ADAMTS19: variants seen among roughly 807,000 people sequenced by gnomAD.
ADAMTS19 encodes the protein ADAM metallopeptidase with thrombospondin type 1 motif 19.
In ADAMTS19, 93 loss-of-function variants were observed where a neutral mutation model predicts 153.3. The observed-to-expected ratio is 0.61, with a 90% CI of 0.51 to 0.72. The LOEUF (loss-of-function observed/expected upper bound fraction) is 0.72. Ranked by LOEUF, ADAMTS19 falls within the 30% of genes least tolerant of loss-of-function variation. The pLI is 0.00. For missense variants in ADAMTS19, 1,482 were observed against 1,552.1 expected (o/e 0.95, Z 0.76); for synonymous variants, 600 against 556.6 (o/e 1.08, Z -1.10).
At chr5:129,552,917 G>A (rs1032648864) in intron 7 of ADAMTS19, among the ~76,000 whole-genome samples, 1 of 152,016 alleles carries the variant, frequency 6.6e-6, no homozygotes, top group Non-Finnish European at 1.5e-5. Flanking sequence ...GGAATCAAGG[G>A]AATATTTGGT....
intron 7 of ADAMTS19, among the ~76,000 whole-genome samples, chr5:129,575,621 A>G (rs1242315593): frequency 6.6e-6 from 1 of 152,126 alleles, no homozygotes; most frequent in Non-Finnish European, 1.5e-5. Context: ...TTTAATTAAC[A>G]TAACAATGAG....
At chr5:129,716,126 T>C (rs1321297573) in intron 21 of ADAMTS19, among the ~76,000 whole-genome samples, 1 of 152,198 alleles carries the variant, frequency 6.6e-6, no homozygotes, top group Non-Finnish European at 1.5e-5. Flanking sequence ...TAGTCTCAAC[T>C]CAAACTTCAG....
chr5:129,674,226 C>T (rs1038203832), intron 16 of ADAMTS19, among the ~76,000 whole-genome samples: 1 of 70,754 alleles, frequency 1.4e-5, no homozygotes. Flanking sequence ...AGCGAAACTC[C>T]ATCTCAAAAA....
chr5:129,473,738 G>C (rs949782976), intron 2 of ADAMTS19, among the ~76,000 whole-genome samples: 1 of 151,924 alleles, frequency 6.6e-6, no homozygotes, highest in Non-Finnish European at 1.5e-5. Context: ...ATATTGAATT[G>C]ATATTTTAAA....
intron 7 of ADAMTS19, among the ~76,000 whole-genome samples, chr5:129,583,184 G>C (rs1749611254): frequency 6.6e-6 from 1 of 152,090 alleles, no homozygotes; most frequent in African/African-American, 2.4e-5. Context: ...AGTTTGGCTG[G>C]ATATGAAATT....
intron 10 of ADAMTS19, among the ~76,000 whole-genome samples, chr5:129,632,310 A>G (rs1407994190): frequency 6.6e-6 from 1 of 152,028 alleles, no homozygotes; most frequent in Admixed American, 6.6e-5. Flanking sequence ...ATGTTCATTT[A>G]GACTTCCTCA....
In ADAMTS19 at chr5:129,737,864, G is replaced by A. The variant is rs920453954; in HGVS notation, c.*646G>A. On this transcript the variant is annotated 3_prime_UTR_variant, in exon 23 of 23. Coordinates refer to ENST00000274487, the MANE Select transcript of ADAMTS19 (RefSeq NM_133638.6). ...TTCATGAACATGTACTTGAACACAAGTATTGTAACAATGAAACACTGTAAT... is the reference window on the plus strand; with the variant it reads ...TTCATGAACATGTACTTGAACACAAATATTGTAACAATGAAACACTGTAAT... 2 of 152,460 alleles carry A rather than the reference G, an allele frequency of 1.3e-5. No individual in the cohort carries two copies. Among genetic ancestry groups the A allele is most frequent in the Non-Finnish European group, 2.9e-5 (2 of 67,978 alleles). 9.4% of individuals were successfully genotyped at this position (152,460 alleles called of 1,614,324 possible).
intron 16 of ADAMTS19, among the ~76,000 whole-genome samples, chr5:129,679,313 C>A (rs377751523): frequency 3.9e-5 from 6 of 152,216 alleles, no homozygotes; most frequent in East Asian, 1.9e-4. Flanking sequence ...TAATTAATGT[C>A]CTGCTTAATG....
chr5:129,597,323 C>T (rs1221318558), intron 8 of ADAMTS19, among the ~76,000 whole-genome samples: 1 of 152,048 alleles, frequency 6.6e-6, no homozygotes, highest in Non-Finnish European at 1.5e-5. Context: ...TTTTTAAGTG[C>T]TTTGTAAGTA....
intron 20 of ADAMTS19, among the ~76,000 whole-genome samples, chr5:129,702,941 A>AAAAAAAAATATATATATATAT: frequency 3.4e-5 from 1 of 29,304 alleles, no homozygotes; most frequent in Admixed American, 4.6e-4. Context: ...AAAAAAAAAA[A>AAAAAAAAATATATATATATAT]ATATATATAT....
intron 21 of ADAMTS19, among the ~76,000 whole-genome samples, chr5:129,713,086 C>G (rs1429317643): frequency 6.6e-6 from 1 of 152,170 alleles, no homozygotes; most frequent in Non-Finnish European, 1.5e-5. Context: ...TAAACCATAT[C>G]TCAGATTAAT....
At chr5:129,524,075 G>T (rs547489771) in intron 3 of ADAMTS19, among the ~76,000 whole-genome samples, 2 of 152,224 alleles carry the variant, frequency 1.3e-5, no homozygotes, top group Admixed American at 1.3e-4. Flanking sequence ...CAAGGCTATA[G>T]TAACCAAAAT....
chr5:129,616,485 G>T (rs998453650), intron 8 of ADAMTS19, among the ~76,000 whole-genome samples: 1 of 151,908 alleles, frequency 6.6e-6, no homozygotes, highest in Non-Finnish European at 1.5e-5. Context: ...AATTCATAAG[G>T]CTTCTCCTCC....
chr5:129,689,714 C>A (rs896830080), intron 18 of ADAMTS19, among the ~76,000 whole-genome samples: 2 of 152,118 alleles, frequency 1.3e-5, no homozygotes, highest in Non-Finnish European at 2.9e-5. Flanking sequence ...CATGAGCCAC[C>A]GTGCCTGGCC....
rs1215483473 is a variant in ADAMTS19, at chr5:129,735,023, C to T, written c.3404C>T (p.Ser1135Leu). The part of the protein sequence containing the change: ...TGRHGNECFS[S>L]EKPAAYRPCH... ...AGACATGGAAATGAATGTTTTTCCT[C>T]AGAAAAACCTGCAGCATACAGGCCA... The change falls in exon 22 of 23, where the codon TCA becomes TTA. Residue 1135 changes from serine to leucine, a missense_variant. Physicochemically the swap from Ser to Leu is moderately radical, Grantham distance 145. This residue lies in a region of ADAMTS19 where 616 missense variants were observed against 724.4 expected (regional missense o/e 0.85). Transcript: ENST00000274487. 6.2e-7 allele frequency: 1 copy of T among 1,611,582 alleles called. No individual in the cohort carries two copies. The highest frequency in any genetic ancestry group is 1.3e-5 in the African/African-American group (1 of 74,652).
At chr5:129,713,517 T>G (rs1305555168) in intron 21 of ADAMTS19, among the ~76,000 whole-genome samples, 4 of 152,040 alleles carry the variant, frequency 2.6e-5, no homozygotes, top group Non-Finnish European at 5.9e-5. Flanking sequence ...TCACAACACT[T>G]TGGGTGGCCA....
At chr5:129,548,482 T>C (rs925478502) in intron 6 of ADAMTS19, among the ~76,000 whole-genome samples, 3 of 152,058 alleles carry the variant, frequency 2.0e-5, no homozygotes, top group Non-Finnish European at 2.9e-5. Context: ...TGAGATACCA[T>C]CTGACACCAG....
chr5:129,550,747 C>A (rs1312326849), intron 6 of ADAMTS19, among the ~76,000 whole-genome samples: 1 of 151,304 alleles, frequency 6.6e-6, no homozygotes, highest in Non-Finnish European at 1.5e-5. Flanking sequence ...CTTTCAGATC[C>A]TGTAACAGAG....
At chr5:129,544,973 T>C (rs1752801762) in intron 6 of ADAMTS19, among the ~76,000 whole-genome samples, 1 of 152,080 alleles carries the variant, frequency 6.6e-6, no homozygotes. Context: ...CTGAAGGGAC[T>C]CTCTTTCAAC....
Sources: gnomAD v4.1 joint callset for allele counts (sites outside exome capture counted in the v4.1 genomes callset) on GRCh38, gnomAD v4.1.1 for gene constraint, gnomAD v4.1.1 regional missense constraint, MANE v1.5 for transcripts, NCBI Gene and HGNC (gene_info 2026-07-23, HGNC 2026-07-21) for gene names.